PLEKHA5: variants seen among roughly 807,000 people sequenced by gnomAD.
PLEKHA5 encodes pleckstrin homology domain containing A5, also known as pleckstrin homology domain-containing family A member 5.
PLEKHA5 carries 55 observed loss-of-function variants against 181.9 expected under a neutral mutation model. That is an observed-to-expected ratio of 0.30 (90% confidence interval 0.24 to 0.38). PLEKHA5 has a LOEUF of 0.38. PLEKHA5 is among the 10% of genes least tolerant of loss of function. The pLI is 1.00. For synonymous variants in PLEKHA5, 535 were observed against 529.4 expected (o/e 1.01, Z -0.15); for missense variants, 1,432 against 1,549.5 (o/e 0.92, Z 1.27).
intron 3 of PLEKHA5, among the ~76,000 whole-genome samples, chr12:19,197,353 T>C (rs1172965902): frequency 6.6e-6 from 1 of 152,170 alleles, no homozygotes; most frequent in Non-Finnish European, 1.5e-5. Flanking sequence ...GAAAATGTTA[T>C]GTATTCCTGC....
At chr12:19,220,763 A>T (rs949682764) in intron 3 of PLEKHA5, among the ~76,000 whole-genome samples, 12 of 152,134 alleles carry the variant, frequency 7.9e-5, no homozygotes, top group African/African-American at 2.9e-4. Flanking sequence ...AAATTATGTG[A>T]ATTTTAACAG....
At chr12:19,335,938 G>A (rs1020039196) in intron 20 of PLEKHA5, among the ~76,000 whole-genome samples, 6 of 152,206 alleles carry the variant, frequency 3.9e-5, no homozygotes, top group South Asian at 2.1e-4. Context: ...GGCAGATGAT[G>A]TATTTTTAAG....
At chr12:19,289,753 A>G (rs2077995447) in intron 13 of PLEKHA5, among the ~76,000 whole-genome samples, 1 of 152,116 alleles carries the variant, frequency 6.6e-6, no homozygotes, top group Non-Finnish European at 1.5e-5. Flanking sequence ...AGGAGGGTTT[A>G]TGTGCCCATG....
intron 3 of PLEKHA5, among the ~76,000 whole-genome samples, chr12:19,215,370 G>A (rs1319582055): frequency 6.6e-6 from 1 of 152,082 alleles, no homozygotes; most frequent in Non-Finnish European, 1.5e-5. Context: ...TCCAGACGCT[G>A]AGTAACTATT....
At position 19,239,621 on chromosome 12, in the gene PLEKHA5, G is replaced by A. The variant is rs73347040; in HGVS notation, c.228-14319G>A. Among the ~76,000 whole-genome samples, 301 of 152,286 alleles carry A rather than the reference G, an allele frequency of 2.0e-3. 2 individuals are homozygous for A. The highest frequency in any genetic ancestry group is 7.1e-3 in the African/African-American group (293 of 41,560). On this transcript the variant is annotated intron_variant, in intron 3 of 31. Coordinates refer to ENST00000429027, the MANE Select transcript of PLEKHA5 (RefSeq NM_001256470.2). Reference sequence around the variant, plus strand: ...AATTGAAGTAAAAGAAAACCTAGGAGGGGAGCAAATACATTGTTTCAAAAC... The same window carrying A: ...AATTGAAGTAAAAGAAAACCTAGGAAGGGAGCAAATACATTGTTTCAAAAC...
intron 3 of PLEKHA5, among the ~76,000 whole-genome samples, chr12:19,188,429 T>C (rs760762260): frequency 5.9e-5 from 9 of 152,180 alleles, no homozygotes; most frequent in Non-Finnish European, 1.0e-4. Flanking sequence ...AAATTATACT[T>C]CTAGTGTAAT....
At chr12:19,179,475 G>A (rs1287759436) in intron 3 of PLEKHA5, among the ~76,000 whole-genome samples, 1 of 152,066 alleles carries the variant, frequency 6.6e-6, no homozygotes, top group Admixed American at 6.6e-5. Flanking sequence ...TTACCAACAT[G>A]GAGCGAAAGC....
intron 3 of PLEKHA5, among the ~76,000 whole-genome samples, chr12:19,178,061 C>T (rs1051470598): frequency 6.6e-6 from 1 of 152,178 alleles, no homozygotes; most frequent in African/African-American, 2.4e-5. Flanking sequence ...ACTTCCACGG[C>T]TCCTGGTGTG....
At chr12:19,271,357 T>G (rs570977908) in intron 10 of PLEKHA5, among the ~76,000 whole-genome samples, 39 of 152,010 alleles carry the variant, frequency 2.6e-4, no homozygotes, top group African/African-American at 8.9e-4. Flanking sequence ...ATACAAAAAT[T>G]AGCTGGGCGT....
At chr12:19,185,654 G>C (rs7963106) in intron 3 of PLEKHA5, among the ~76,000 whole-genome samples, 1 of 152,114 alleles carries the variant, frequency 6.6e-6, no homozygotes, top group Non-Finnish European at 1.5e-5. Flanking sequence ...TTTTGTTTAA[G>C]CTAATTTGAA....
intron 3 of PLEKHA5, among the ~76,000 whole-genome samples, chr12:19,146,920 G>A (rs906916583): frequency 6.6e-6 from 1 of 152,194 alleles, no homozygotes; most frequent in African/African-American, 2.4e-5. Context: ...GTAAAGTGGA[G>A]AGGATAATTC....
chr12:19,170,849 G>GT (rs2045737041), intron 3 of PLEKHA5, among the ~76,000 whole-genome samples: 1 of 152,194 alleles, frequency 6.6e-6, no homozygotes, highest in South Asian at 2.1e-4. Context: ...AGAGGGCAGG[G>GT]TAGTTGAATT....
chr12:19,369,432 C>A (rs2095521092), intron 30 of PLEKHA5, among the ~76,000 whole-genome samples: 1 of 152,000 alleles, frequency 6.6e-6, no homozygotes, highest in Non-Finnish European at 1.5e-5. Context: ...ATAATCCCAA[C>A]ACTTCGGGAG....
chr12:19,179,159 G>T (rs1458796052), intron 3 of PLEKHA5, among the ~76,000 whole-genome samples: 3 of 152,128 alleles, frequency 2.0e-5, no homozygotes, highest in Non-Finnish European at 4.4e-5. Context: ...TGTGAAATTG[G>T]CTGCTTTATA....
chr12:19,286,241 T>A, intron 12 of PLEKHA5, among the ~76,000 whole-genome samples: 1 of 152,218 alleles, frequency 6.6e-6, no homozygotes, highest in East Asian at 1.9e-4. Flanking sequence ...ATTTTCCAGA[T>A]GACCAGTGTT....
chr12:19,237,163 C>G (rs1290847611), intron 3 of PLEKHA5: 1 of 152,068 alleles, frequency 6.6e-6, no homozygotes, highest in Non-Finnish European at 1.5e-5. Flanking sequence ...GGCATAATAT[C>G]TAGTGCAAAG....
At position 19,156,721 on chromosome 12, in the gene PLEKHA5, C is replaced by T. The variant is rs182729542; in HGVS notation, c.227+24271C>T. On this transcript the variant is annotated intron_variant, in intron 3 of 31. Transcript: ENST00000429027. ...AAAAAATGCATGCATTTAGGTTAAG[C>T]ATTGACTATATATTGGAAATGTAGT... Among the ~76,000 whole-genome samples the T allele has an allele frequency of 4.0e-5, 6 of 151,872 alleles. No individual in the cohort carries two copies. The East Asian group carries it at 1.2e-3, about 29-fold the overall frequency.
chr12:19,327,462 A>G (rs775557810), intron 20 of PLEKHA5, among the ~76,000 whole-genome samples: 2 of 151,014 alleles, frequency 1.3e-5, no homozygotes, highest in South Asian at 2.1e-4. Context: ...TCCTCGTTCA[A>G]TTGCTTAAGC....
At chr12:19,200,266 G>A (rs752755439) in intron 3 of PLEKHA5, 391 of 1,221,946 alleles carry the variant, frequency 3.2e-4, no homozygotes, top group Non-Finnish European at 4.0e-4. Flanking sequence ...TAGATATTAT[G>A]TACCAATAAA....
Sources: gnomAD v4.1 joint callset for allele counts (sites outside exome capture counted in the v4.1 genomes callset) on GRCh38, gnomAD v4.1.1 for gene constraint, MANE v1.5 for transcripts, NCBI Gene and HGNC (gene_info 2026-07-23, HGNC 2026-07-21) for gene names.